MACROD2: variants seen among roughly 807,000 people sequenced by gnomAD.
MACROD2 encodes the protein ADP-ribose glycohydrolase MACROD2.
In MACROD2, 36 loss-of-function variants were observed where a neutral mutation model predicts 70.4. The ratio of observed to expected loss-of-function variants is 0.51; its 90% CI spans 0.39 to 0.68. MACROD2 has a LOEUF of 0.68. MACROD2 is among the 30% of genes least tolerant of loss of function. The pLI, the probability that MACROD2 is intolerant of heterozygous loss-of-function variation, is 0.00. For synonymous variants in MACROD2, 172 were observed against 178.8 expected (o/e 0.96, Z 0.30); for missense variants, 496 against 538.4 (o/e 0.92, Z 0.78).
At chr20:15,748,008 A>G (rs939364415) in intron 8 of MACROD2, among the ~76,000 whole-genome samples, 12 of 152,142 alleles carry the variant, frequency 7.9e-5, no homozygotes, top group Non-Finnish European at 1.0e-4. Context: ...ATTCTTATAA[A>G]CAGGGTAAGC....
chr20:15,926,452 G>A lies in MACROD2; in HGVS notation c.776-6824G>A, dbSNP rs2065490934. ...TTGCCTCCGTGGAGCTTACATTCAA[G>A]GAGGGGCAGGAACACATAAACAATG... On this transcript the variant is annotated intron_variant, in intron 10 of 17. Transcript: ENST00000684519. Among the ~76,000 whole-genome samples the A allele has an allele frequency of 2.6e-5, 4 of 152,292 alleles. No homozygotes were observed. The South Asian group carries it at 8.3e-4, about 32-fold the overall frequency.
chr20:16,025,170 T>G (rs1038559742), intron 15 of MACROD2, among the ~76,000 whole-genome samples: 1 of 152,328 alleles, frequency 6.6e-6, no homozygotes. Flanking sequence ...TTTCTTGAAC[T>G]GTCTCCTGGA....
intron 5 of MACROD2, among the ~76,000 whole-genome samples, chr20:15,000,562 G>T (rs1245416361): frequency 8.3e-6 from 1 of 120,976 alleles, no homozygotes; most frequent in Non-Finnish European, 1.6e-5. Flanking sequence ...AGCGGAGCTT[G>T]CAGTGAGCCG....
intron 6 of MACROD2, among the ~76,000 whole-genome samples, chr20:15,337,245 G>A (rs1017706217): frequency 1.3e-5 from 2 of 151,844 alleles, no homozygotes; most frequent in Middle Eastern, 6.8e-3. Flanking sequence ...ATAAAGAACA[G>A]TTTGTGTTTT....
At chr20:14,862,670 T>TATATATATATAAATATATATATAC (rs2073381403) in intron 5 of MACROD2, among the ~76,000 whole-genome samples, 1 of 51,772 alleles carries the variant, frequency 1.9e-5, no homozygotes, top group Non-Finnish European at 3.5e-5. Flanking sequence ...TATATATAAA[T>TATATATATATAAATATATATATAC]ATATATAAAT....
intron 7 of MACROD2, among the ~76,000 whole-genome samples, chr20:15,494,189 C>G (rs1373386617): frequency 6.6e-6 from 1 of 152,118 alleles, no homozygotes; most frequent in African/African-American, 2.4e-5. Context: ...AATAGATCAG[C>G]AGAGATTATT....
intron 5 of MACROD2, among the ~76,000 whole-genome samples, chr20:14,874,304 T>G (rs1476937050): frequency 6.6e-6 from 1 of 151,156 alleles, no homozygotes; most frequent in African/African-American, 2.4e-5. Context: ...ATTTATTTAT[T>G]TATTTATTTA....
intron 5 of MACROD2, among the ~76,000 whole-genome samples, chr20:14,718,302 A>C (rs1419605409): frequency 6.7e-6 from 1 of 149,870 alleles, no homozygotes; most frequent in Non-Finnish European, 1.5e-5. Flanking sequence ...CAAAAAAAAA[A>C]AAAAAAAAAA....
At chr20:15,826,650 C>G (rs953885374) in intron 8 of MACROD2, among the ~76,000 whole-genome samples, 2 of 152,096 alleles carry the variant, frequency 1.3e-5, no homozygotes, top group East Asian at 3.8e-4. Context: ...ATTCTTTTAT[C>G]AAACTACTTT....
rs116977105 is a variant in MACROD2, at chr20:15,472,048, C to T, written c.572-27726C>T. On this transcript the variant is annotated intron_variant, in intron 7 of 17. Coordinates refer to ENST00000684519, the MANE Select transcript of MACROD2 (RefSeq NM_001351661.2). ...ACATTTACTGTTTTTACCATCTCCCCGCAATGATCCCAAATCATTTTCAAT... is the reference window on the plus strand; with the variant it reads ...ACATTTACTGTTTTTACCATCTCCCTGCAATGATCCCAAATCATTTTCAAT... Among the ~76,000 whole-genome samples the T allele has an allele frequency of 5.6e-3, 851 of 152,286 alleles. 4 individuals are homozygous for T. Among genetic ancestry groups the T allele is most frequent in the Middle Eastern group, 0.017 (5 of 294 alleles).
chr20:16,031,879 T>C (rs2067156566), intron 15 of MACROD2, among the ~76,000 whole-genome samples: 1 of 152,032 alleles, frequency 6.6e-6, no homozygotes, highest in African/African-American at 2.4e-5. Flanking sequence ...AGAGAGGGTA[T>C]GAAGTAGGGC....
At chr20:15,345,303 C>T (rs1029966591) in intron 6 of MACROD2, among the ~76,000 whole-genome samples, 15 of 152,084 alleles carry the variant, frequency 9.9e-5, no homozygotes, top group Non-Finnish European at 1.8e-4. Context: ...CTATACTTCT[C>T]TTATGTGCCA....
At chr20:14,084,423 C>A (rs1301545555) in intron 2 of MACROD2, among the ~76,000 whole-genome samples, 1 of 149,760 alleles carries the variant, frequency 6.7e-6, no homozygotes, top group Non-Finnish European at 1.5e-5. Context: ...TTACACATAT[C>A]ATACTTTAAA....
chr20:14,156,711 C>T (rs950333818), intron 3 of MACROD2, among the ~76,000 whole-genome samples: 3 of 152,056 alleles, frequency 2.0e-5, no homozygotes, highest in East Asian at 1.9e-4. Context: ...TTAACCTTTG[C>T]GTAATTTCTG....
rs2066181620 is a variant in MACROD2, at chr20:15,968,796, C to CAT, written c.985+1166_985+1167insAT. On this transcript the variant is annotated intron_variant, in intron 13 of 17. Coordinates refer to ENST00000684519, the MANE Select transcript of MACROD2 (RefSeq NM_001351661.2). ...TAAACATATAATATTATATATTATGCGTATATATATATATATATATATATA... is the reference window on the plus strand; with the variant it reads ...TAAACATATAATATTATATATTATGCATGTATATATATATATATATATATATA... 4.6e-4 allele frequency among the ~76,000 whole-genome samples: 23 copies of CAT among 50,210 alleles called. 1 individual carries two copies. The highest frequency in any genetic ancestry group is 6.0e-4 in the Non-Finnish European group (14 of 23,484). 32.9% of individuals were successfully genotyped at this position (50,210 alleles called of 152,430 possible). A position where few individuals can be genotyped will look rare whatever the true frequency, so the allele number is the denominator to read the frequency against.
chr20:16,045,271 T>G (rs1601376173), intron 17 of MACROD2, among the ~76,000 whole-genome samples: 2 of 152,254 alleles, frequency 1.3e-5, no homozygotes, highest in Middle Eastern at 6.8e-3. Flanking sequence ...CCAGATCATG[T>G]TTAGGAGTTT....
intron 6 of MACROD2, among the ~76,000 whole-genome samples, chr20:15,354,299 A>G (rs1164703784): frequency 6.6e-6 from 1 of 152,038 alleles, no homozygotes; most frequent in Non-Finnish European, 1.5e-5. Context: ...GAATTGAACA[A>G]TGAGAACACA....
intron 5 of MACROD2, among the ~76,000 whole-genome samples, chr20:14,807,672 T>C (rs1387664619): frequency 6.6e-6 from 1 of 151,816 alleles, no homozygotes; most frequent in Admixed American, 6.6e-5. Flanking sequence ...CCTAACCCAA[T>C]GGAAGGAAGC....
At chr20:14,525,218 A>C (rs2123188320) in intron 4 of MACROD2, among the ~76,000 whole-genome samples, 1 of 152,340 alleles carries the variant, frequency 6.6e-6, no homozygotes, top group South Asian at 2.1e-4. Flanking sequence ...ATTTCCATAC[A>C]AAAATCTGAG....
Sources: gnomAD v4.1 joint callset for allele counts (sites outside exome capture counted in the v4.1 genomes callset) on GRCh38, gnomAD v4.1.1 for gene constraint, MANE v1.5 for transcripts, NCBI Gene and HGNC (gene_info 2026-07-23, HGNC 2026-07-21) for gene names.